Variants in PITHD1 observed in about 807,000 individuals in gnomAD.
PITHD1 encodes the protein PITH domain-containing protein 1.
A neutral mutation model predicts 27.5 loss-of-function variants in PITHD1; 8 were observed. The observed-to-expected ratio is 0.29, with a 90% CI of 0.17 to 0.52. The LOEUF is 0.52. PITHD1 is among the 20% of genes least tolerant of loss of function. The pLI is 0.96. For synonymous variants in PITHD1, 118 were observed against 106.8 expected (o/e 1.10, Z -0.64); for missense variants, 233 against 283.9 (o/e 0.82, Z 1.29).
At chr1:23,779,805 CACAACTAA>C in intron 2 of PITHD1, 51 bp from the exon 3 acceptor site, 1 of 1,292,614 alleles carries the variant, frequency 7.7e-7, no homozygotes, top group Non-Finnish European at 1.1e-6. Context: ...CCCAGGGTCA[CACAACTAA>C]ACAGGTATTC....
intron 3 of PITHD1, among the ~76,000 whole-genome samples, chr1:23,781,913 C>G (rs1014521433): frequency 1.3e-5 from 2 of 151,992 alleles, no homozygotes; most frequent in African/African-American, 4.8e-5. Flanking sequence ...TGAACAGATA[C>G]GAATACATAG....
At chr1:23,784,985 C>A (rs147509244) in intron 3 of PITHD1, among the ~76,000 whole-genome samples, 116 of 152,228 alleles carry the variant, frequency 7.6e-4, no homozygotes, top group African/African-American at 2.7e-3. Flanking sequence ...TATGTTTCTG[C>A]CAAAGTATGT....
rs997913751 is a variant in PITHD1, at chr1:23,779,348, C to T, written c.199-90C>T. 1.5e-5 allele frequency: 14 copies of T among 952,092 alleles called. No individual in the cohort carries two copies. In the Admixed American group the frequency reaches 2.4e-4, roughly 16 times the overall value. 59.0% of individuals were successfully genotyped at this position (952,092 alleles called of 1,614,324 possible). A position where few individuals can be genotyped will look rare whatever the true frequency, so the allele number is the denominator to read the frequency against. ...GAGAGTGACTCTTCCCATTGCACCCCAGTTGTAGAGCAGGGTGGGAGATGC... is the reference window on the plus strand; with the variant it reads ...GAGAGTGACTCTTCCCATTGCACCCTAGTTGTAGAGCAGGGTGGGAGATGC... On this transcript the variant is annotated intron_variant, in intron 1 of 5. Transcript: ENST00000246151.
At chr1:23,786,273 C>G in intron 4 of PITHD1, 42 bp from the exon 5 acceptor site, 1 of 905,244 alleles carries the variant, frequency 1.1e-6, no homozygotes, top group Non-Finnish European at 1.8e-6. Flanking sequence ...ACTCATTGAA[C>G]TATAATTCAT....
chr1:23,779,978 T>G, intron 3 of PITHD1, 37 bp downstream of exon 3: 13 of 1,262,194 alleles, frequency 1.0e-5, no homozygotes, highest in Non-Finnish European at 1.4e-5. Context: ...AAGGAGCTCC[T>G]AATTCTCTTT....
rs200698362 is a variant in PITHD1 at position 23,780,352 on chromosome 1, AT to A, written c.320+413del. Among the ~76,000 whole-genome samples, 61 of 152,216 alleles carry A rather than the reference AT, an allele frequency of 4.0e-4. 1 individual carries two copies. In the East Asian group the frequency reaches 0.011, roughly 28 times the overall value. On this transcript the variant is annotated intron_variant, in intron 3 of 5. Coordinates refer to ENST00000246151, the MANE Select transcript of PITHD1 (RefSeq NM_020362.5). ...ATCTTATGTGTTTTGTTGACATGGA[AT>A]TGCTCCACCTGACTTTGCGTGGCAT...
intron 3 of PITHD1, among the ~76,000 whole-genome samples, chr1:23,784,924 A>G (rs574467910): frequency 1.3e-5 from 2 of 152,346 alleles, no homozygotes; most frequent in East Asian, 3.9e-4. Context: ...GGACACAAAA[A>G]AATGCTTGAG....
At chr1:23,784,253 T>TG (rs1553128406) in intron 3 of PITHD1, among the ~76,000 whole-genome samples, 1 of 145,222 alleles carries the variant, frequency 6.9e-6, no homozygotes. Flanking sequence ...TTTTTTTTTT[T>TG]TTTTTGAGAC....
At chr1:23,786,275 A>G (rs1005706534) in intron 4 of PITHD1, 40 bp from the exon 5 acceptor site, 14 of 932,574 alleles carry the variant, frequency 1.5e-5, no homozygotes, top group Non-Finnish European at 2.1e-5. Flanking sequence ...TCATTGAACT[A>G]TAATTCATAC....
chr1:23,778,465 C>A lies in PITHD1; in HGVS notation c.-51C>A, dbSNP rs1221187655. 4 of 1,276,818 alleles carry A rather than the reference C, an allele frequency of 3.1e-6. No homozygotes were observed. Among genetic ancestry groups the A allele is most frequent in the Non-Finnish European group, 4.0e-6 (4 of 998,660 alleles). The allele number at this position is 1,276,818 out of a possible 1,614,324, so 79.1% of individuals were successfully genotyped here. Reference sequence around the variant, plus strand: ...GGAGCTGGTCTGAGGCGAGCCGAGCCGAGCGAGCGCGGCGGTGGGGCCGAG... The same window carrying A: ...GGAGCTGGTCTGAGGCGAGCCGAGCAGAGCGAGCGCGGCGGTGGGGCCGAG... On this transcript the variant is annotated 5_prime_UTR_variant, in exon 1 of 6. Coordinates refer to ENST00000246151, the MANE Select transcript of PITHD1 (RefSeq NM_020362.5).
At position 23,779,464 on chromosome 1, in the gene PITHD1, G is replaced by C. The variant is rs11978; in HGVS notation, c.225G>C (p.Glu75Asp). 2 of 1,612,932 alleles carry C rather than the reference G, an allele frequency of 1.2e-6. No individual in the cohort carries two copies. Among genetic ancestry groups the C allele is most frequent in the South Asian group, 2.2e-5 (2 of 91,056 alleles). ...SKFVESDADEELLFNIPFTGN... is the reference protein window; with the variant it reads ...SKFVESDADEDLLFNIPFTGN... ...TTGTTGAAAGTGATGCAGATGAAGAGCTTCTGTTTAATATTCCGTAAGTAT... is the reference window on the plus strand; with the variant it reads ...TTGTTGAAAGTGATGCAGATGAAGACCTTCTGTTTAATATTCCGTAAGTAT... The change falls in exon 2 of 6, where the codon GAG (glutamate) becomes GAC (aspartate). Residue 75 changes from glutamate to aspartate, a missense_variant. Coordinates refer to ENST00000246151, the MANE Select transcript of PITHD1 (RefSeq NM_020362.5).
intron 3 of PITHD1, among the ~76,000 whole-genome samples, chr1:23,783,538 G>A (rs796853609): frequency 2.6e-5 from 4 of 151,276 alleles, no homozygotes; most frequent in Non-Finnish European, 4.4e-5. Context: ...TGCAACCTCC[G>A]CCTCCTGGGG....
chr1:23,785,676 T>C lies in PITHD1; in HGVS notation c.322T>C (p.Tyr108His). The C allele has an allele frequency of 6.3e-7, 1 of 1,583,290 alleles. No individual in the cohort carries two copies. Among genetic ancestry groups the C allele is most frequent in the Non-Finnish European group, 8.7e-7 (1 of 1,152,444 alleles). ...DDSHPSEMRL[Y>H]KNIPQMSFDD... ...CTTTTCTTTCCTTTCCTTTCTCAGG[T>C]ACAAGAATATTCCACAGATGTCCTT... The change falls in exon 4 of 6, where the codon TAC (tyrosine) becomes CAC (histidine). Residue 108 changes from tyrosine to histidine, a missense_variant and splice_region_variant. Tyr to His is a moderately conservative substitution (Grantham distance 83). Coordinates refer to ENST00000246151, the MANE Select transcript of PITHD1 (RefSeq NM_020362.5).
At chr1:23,782,152 C>T (rs1638609759) in intron 3 of PITHD1, among the ~76,000 whole-genome samples, 1 of 152,172 alleles carries the variant, frequency 6.6e-6, no homozygotes, top group African/African-American at 2.4e-5. Context: ...GGCGCAGTGG[C>T]TTACACCTAT....
At chr1:23,779,229 T>A in intron 1 of PITHD1, 1 of 523,092 alleles carries the variant, frequency 1.9e-6, no homozygotes, top group Non-Finnish European at 3.4e-6. Context: ...TCATGGGCTT[T>A]TTGTTAAGAA....
intron 2 of PITHD1, 48 bp from the exon 3 acceptor site, chr1:23,779,816 A>T (rs1001731007): frequency 1.5e-5 from 21 of 1,376,282 alleles, no homozygotes; most frequent in Non-Finnish European, 2.2e-5. Context: ...ACAACTAAAC[A>T]GGTATTCAAA....
intron 3 of PITHD1, among the ~76,000 whole-genome samples, chr1:23,783,316 C>CATATATATATACACATATATGTGTAT (rs1638630901): frequency 6.8e-6 from 1 of 147,736 alleles, no homozygotes; most frequent in African/African-American, 2.5e-5. Context: ...CATATATACG[C>CATATATATATACACATATATGTGTAT]ATATATATAT....
intron 5 of PITHD1, among the ~76,000 whole-genome samples, chr1:23,786,862 G>T (rs1429805478): frequency 2.0e-5 from 3 of 152,026 alleles, no homozygotes; most frequent in Non-Finnish European, 4.4e-5. Flanking sequence ...AAAATGTTGG[G>T]ATTACAGGTG....
At chr1:23,779,377 A>T in intron 1 of PITHD1, 61 bp from the exon 2 acceptor site, 1 of 1,352,796 alleles carries the variant, frequency 7.4e-7, no homozygotes, top group African/African-American at 1.4e-5. Context: ...GAGATGCCTG[A>T]AATTGTAGGC....
Sources: allele counts gnomAD v4.1 joint callset (sites outside exome capture counted in the v4.1 genomes callset), GRCh38; gene constraint gnomAD v4.1.1; transcripts MANE v1.5; gene names NCBI Gene and HGNC (gene_info 2026-07-23, HGNC 2026-07-21).